Variants in KIF1B observed in about 807,000 individuals in gnomAD.
KIF1B encodes kinesin-like protein KIF1B.
KIF1B carries 76 observed loss-of-function variants against 241.9 expected under a neutral mutation model. The observed-to-expected ratio is 0.31, with a 90% confidence interval of 0.26 to 0.38. The LOEUF (loss-of-function observed/expected upper bound fraction) is 0.38, where lower values mean the gene tolerates loss of function less well. Among genes scored for constraint, KIF1B ranks in the 10% least tolerant of loss-of-function variants. The pLI is 1.00. For synonymous variants in KIF1B, 750 were observed against 796.7 expected (o/e 0.94, Z 0.99); for missense variants, 1,622 against 2,271.4 (o/e 0.71, Z 5.81).
chr1:10,245,874 G>T (rs1294804503), intron 2 of KIF1B, among the ~76,000 whole-genome samples: 1 of 152,138 alleles, frequency 6.6e-6, no homozygotes, highest in Non-Finnish European at 1.5e-5. Flanking sequence ...TTGGCTCTTA[G>T]TACCCCATAC....
chr1:10,341,589 A>C (rs1652393793), intron 32 of KIF1B, among the ~76,000 whole-genome samples: 2 of 152,270 alleles, frequency 1.3e-5, no homozygotes, highest in Non-Finnish European at 2.9e-5. Flanking sequence ...AAGTTACTTT[A>C]GAATTAAAAA....
At chr1:10,369,280 A>G (rs189691139) in intron 44 of KIF1B, among the ~76,000 whole-genome samples, 50 of 152,312 alleles carry the variant, frequency 3.3e-4, no homozygotes, top group African/African-American at 1.1e-3. Context: ...ATCCTCTGCC[A>G]TATTATTAGA....
In KIF1B at chr1:10,210,817, C is replaced by T. The variant is rs888457081; in HGVS notation, c.-141C>T. 30 of 149,328 alleles carry T rather than the reference C, an allele frequency of 2.0e-4. No individual in the cohort carries two copies. Among genetic ancestry groups the T allele is most frequent in the African/African-American group, 7.3e-4 (30 of 41,134 alleles). The allele number at this position is 149,328 out of a possible 1,614,324, so 9.3% of individuals were successfully genotyped here. ...AGGTGCGTCGGTGCCCGGCCCCCCG[C>T]GCCCCCGCGCGCCGCGGCTCCTGTT... On this transcript the variant is annotated 5_prime_UTR_variant, in exon 1 of 49. Coordinates refer to ENST00000676179, the MANE Select transcript of KIF1B (RefSeq NM_001365951.3). This position sits in a 1 kb window ranked among gnomAD's most constrained non-coding sequence, Gnocchi z 4.1.
Position 10,374,995 on chromosome 1 carries a change from C to T in KIF1B, c.5238C>T (p.Asn1746=), listed in dbSNP as rs146436697. 128 of 1,614,038 alleles carry T rather than the reference C, an allele frequency of 7.9e-5. No homozygotes were observed. Among genetic ancestry groups the T allele is most frequent in the Admixed American group, 1.0e-4 (6 of 59,998 alleles). Reference sequence around the variant, plus strand: ...ACCCTGTGGAGCGTGGAATCATTAACCTGTCCACAGCACAGGTGGAGTACA... The same window carrying T: ...ACCCTGTGGAGCGTGGAATCATTAATCTGTCCACAGCACAGGTGGAGTACA... ...DKDPVERGII[N]LSTAQVEYSE... is the part of the protein sequence containing the mutation. The change falls in exon 47 of 49, where the codon AAC becomes AAT. Residue 1746 remains asparagine (N), a synonymous_variant. Coordinates refer to ENST00000676179, the MANE Select transcript of KIF1B (RefSeq NM_001365951.3). The surrounding 1 kb of genome is among the most constrained non-coding windows in gnomAD (Gnocchi z 4.3).
chr1:10,365,529 A>G lies in KIF1B; in HGVS notation c.4633A>G (p.Ile1545Val), dbSNP rs148387809. ...SSGTLSTSTS[I>V]SSQISTTTFE... The stretch of plus-strand genomic sequence containing the variant: ...TGGGACCCTCAGCACCTCCACCAGT[A>G]TCTCCTCTCAGATCTCAACCACTAC... The change falls in exon 43 of 49, where the codon ATC becomes GTC. Residue 1545 changes from isoleucine to valine, a missense_variant. By Grantham distance (29) the Ile-to-Val change is conservative. Coordinates refer to ENST00000676179, the MANE Select transcript of KIF1B (RefSeq NM_001365951.3). This position sits in a 1 kb window ranked among gnomAD's most constrained non-coding sequence, Gnocchi z 4.0. 17 of 1,613,964 alleles carry G rather than the reference A, an allele frequency of 1.1e-5. No individual in the cohort carries two copies. Among genetic ancestry groups the G allele is most frequent in the East Asian group, 2.2e-5 (1 of 44,892 alleles).
At chr1:10,297,776 G>T (rs1384101086) in intron 22 of KIF1B, among the ~76,000 whole-genome samples, 1 of 151,824 alleles carries the variant, frequency 6.6e-6, no homozygotes, top group Non-Finnish European at 1.5e-5. Context: ...CTTATCCCCT[G>T]CATGGAGTCT....
rs200561798 is a variant in KIF1B, at chr1:10,361,732, T to C, written c.4211T>C (p.Val1404Ala). Residue 1404 changes from valine to alanine, a missense_variant, in exon 40 of 49, where the codon GTG becomes GCG. Around this residue, in one of 7 missense-constraint regions of KIF1B, gnomAD observed 803 missense variants for 1,112.0 expected, o/e 0.72. Transcript: ENST00000676179. ...CAGCCGGCTGTCATCACCAAGGATGTGTGCATGGTCTTCTACTCCCGAGAT... is the reference window on the plus strand; with the variant it reads ...CAGCCGGCTGTCATCACCAAGGATGCGTGCATGGTCTTCTACTCCCGAGAT... ...CIQPAVITKD[V>A]CMVFYSRDAK... 2.4e-4 allele frequency: 381 copies of C among 1,613,976 alleles called. No individual in the cohort carries two copies. The highest frequency in any genetic ancestry group is 2.4e-4 in the Non-Finnish European group (289 of 1,179,998).
chr1:10,317,614 G>A (rs976990064), intron 22 of KIF1B, among the ~76,000 whole-genome samples: 2 of 151,260 alleles, frequency 1.3e-5, no homozygotes, highest in Non-Finnish European at 2.9e-5. Context: ...GGCGGATCAC[G>A]AGGTAAGGAG....
chr1:10,304,650 C>T, intron 22 of KIF1B: 8 of 1,613,648 alleles, frequency 5.0e-6, no homozygotes, highest in African/African-American at 2.7e-5. Flanking sequence ...CAGTATAAAT[C>T]AGTTACTGGA....
chr1:10,226,192 G>C (rs1237881262), intron 1 of KIF1B, among the ~76,000 whole-genome samples: 2 of 152,122 alleles, frequency 1.3e-5, no homozygotes, highest in African/African-American at 4.8e-5. Context: ...CAAGCTTTTA[G>C]CCTGTGTGAG....
At chr1:10,300,097 C>T (rs1226894411) in intron 22 of KIF1B, among the ~76,000 whole-genome samples, 2 of 151,628 alleles carry the variant, frequency 1.3e-5, no homozygotes, top group East Asian at 3.9e-4. Flanking sequence ...ATTAGCAGGA[C>T]GTCTTGGTGG....
intron 1 of KIF1B, among the ~76,000 whole-genome samples, chr1:10,219,173 T>C (rs1001752859): frequency 2.0e-5 from 3 of 152,146 alleles, no homozygotes; most frequent in African/African-American, 7.2e-5. Flanking sequence ...GATATAAAGA[T>C]ACGTACGGCC....
chr1:10,337,136 G>A lies in KIF1B; in HGVS notation c.3192G>A (p.Val1064=). 6.2e-7 allele frequency: 1 copy of A among 1,614,130 alleles called. No homozygotes were observed. The highest frequency in any genetic ancestry group is 8.5e-7 in the Non-Finnish European group (1 of 1,180,026). The change falls in exon 30 of 49, where the codon GTG becomes GTA. Residue 1064 remains valine (V), a synonymous_variant. Coordinates refer to ENST00000676179, the MANE Select transcript of KIF1B (RefSeq NM_001365951.3). This position sits in a 1 kb window ranked among gnomAD's most constrained non-coding sequence, Gnocchi z 4.0. ...SGLSLEELRI[V]EGQGQSSEVI... Reference sequence around the variant, plus strand: ...TGTCCTTGGAGGAGTTGAGGATTGTGGAAGGACAGGGTCAGAGTTCTGAGG... The same window carrying A: ...TGTCCTTGGAGGAGTTGAGGATTGTAGAAGGACAGGGTCAGAGTTCTGAGG...
rs1455844090 is a variant in KIF1B, at chr1:10,210,844, A to G, written c.-114A>G. On this transcript the variant is annotated 5_prime_UTR_variant, in exon 1 of 49. The change abolishes the stop of an existing upstream ORF in the 5' untranslated region. Transcript: ENST00000676179. This position sits in a 1 kb window ranked among gnomAD's most constrained non-coding sequence, Gnocchi z 4.1. ...CCCCCGCGCGCCGCGGCTCCTGTTG[A>G]CCCGGTCCGCCCGTCGGTCTGCAGC... 1 of 149,686 alleles carries G rather than the reference A, an allele frequency of 6.7e-6. No individual in the cohort carries two copies. The highest frequency in any genetic ancestry group is 6.6e-5 in the Admixed American group (1 of 15,048). 9.3% of individuals were successfully genotyped at this position (149,686 alleles called of 1,614,324 possible).
At chr1:10,307,512 G>A (rs41274466) in intron 22 of KIF1B, 10,400 of 455,214 alleles carry the variant, frequency 0.023, 157 homozygotes, top group Non-Finnish European at 0.027. Flanking sequence ...GTTTCACCAC[G>A]TTGGTCAGGC....
At chr1:10,296,725 T>C in intron 20 of KIF1B, 60 bp downstream of exon 20, 1 of 1,520,902 alleles carries the variant, frequency 6.6e-7, no homozygotes, top group Non-Finnish European at 9.1e-7. Context: ...GTGACAACTC[T>C]AATTTTTGGC....
At chr1:10,345,170 A>T (rs1652544523) in intron 34 of KIF1B, among the ~76,000 whole-genome samples, 1 of 152,190 alleles carries the variant, frequency 6.6e-6, no homozygotes, top group Non-Finnish European at 1.5e-5. Flanking sequence ...AAGAAAAAAA[A>T]GCATATGGAA....
In KIF1B at chr1:10,374,561, T is replaced by C; in HGVS notation, c.5096+96T>C. ...CTTCCCTGTGAGGTCTGTACTGTAG[T>C]CTGATGCAATCTGTACTGTAGTCTG... On this transcript the variant is annotated intron_variant, in intron 46 of 48. Coordinates refer to ENST00000676179, the MANE Select transcript of KIF1B (RefSeq NM_001365951.3). This position sits in a 1 kb window ranked among gnomAD's most constrained non-coding sequence, Gnocchi z 4.3. The C allele has an allele frequency of 5.9e-6, 8 of 1,350,524 alleles. No homozygotes were observed. Among genetic ancestry groups the C allele is most frequent in the Non-Finnish European group, 7.4e-6 (7 of 946,984 alleles). The allele number at this position is 1,350,524 out of a possible 1,614,324, so 83.7% of individuals were successfully genotyped here. A position where few individuals can be genotyped will look rare whatever the true frequency, so the allele number is the denominator to read the frequency against.
At chr1:10,234,508 G>GT (rs372089707) in intron 2 of KIF1B, among the ~76,000 whole-genome samples, 1 of 126,656 alleles carries the variant, frequency 7.9e-6, no homozygotes, top group Non-Finnish European at 1.7e-5. Flanking sequence ...GCGCCTGGCT[G>GT]TTTTTTTTGT....
Sources: gnomAD v4.1 joint callset for allele counts (sites outside exome capture counted in the v4.1 genomes callset) on GRCh38, gnomAD v4.1.1 for gene constraint, gnomAD v4.1.1 regional missense constraint, Gnocchi (gnomAD v3.1) non-coding constraint, MANE v1.5 for transcripts, NCBI Gene and HGNC (gene_info 2026-07-23, HGNC 2026-07-21) for gene names.